Variants in EPM2A observed in about 807,000 individuals in gnomAD.
EPM2A encodes laforin.
A neutral mutation model predicts 26.5 loss-of-function variants in EPM2A; 21 were observed. The observed-to-expected ratio is 0.79, with a 90% CI of 0.56 to 1.14. The LOEUF (loss-of-function observed/expected upper bound fraction) is 1.14, where lower values mean the gene tolerates loss of function less well. Ranked by LOEUF, EPM2A falls within the 50% of genes most tolerant of loss-of-function variation. The pLI is 0.00. For synonymous variants in EPM2A, 217 were observed against 177.6 expected, an observed-to-expected ratio of 1.22 and a Z score of -1.76; for missense variants, 458 against 440.8, an observed-to-expected ratio of 1.04 and a Z score of -0.35.
chr6:145,491,063 T>C (rs1193560985), intron 4 of EPM2A: 2 of 781,274 alleles, frequency 2.6e-6, no homozygotes, highest in Non-Finnish European at 4.3e-6. Context: ...ATGGCAATGA[T>C]TCTGTGATAA....
rs1416081791 is a variant in EPM2A at position 145,513,355 on chromosome 6, A to G, written c.341-10780T>C. ...ATGCAAATTAAAACTACACCAAGAT[A>G]CCATGTTACATCAATCAGAATGGCT... On this transcript the variant is annotated intron_variant, in intron 2 of 3. Transcript: ENST00000450221. Among the ~76,000 whole-genome samples the G allele has an allele frequency of 2.6e-4, 40 of 152,216 alleles. 1 individual carries two copies. The highest frequency in any genetic ancestry group is 2.6e-3 in the Admixed American group (40 of 15,282).
chr6:145,673,366 A>C (rs1779789344), intron 2 of EPM2A, among the ~76,000 whole-genome samples: 1 of 152,198 alleles, frequency 6.6e-6, no homozygotes. Context: ...TCGACGCAGA[A>C]GATAGGTGAT....
chr6:145,432,123 G>C (rs971401263), intron 4 of EPM2A, among the ~76,000 whole-genome samples: 1 of 152,090 alleles, frequency 6.6e-6, no homozygotes, highest in Non-Finnish European at 1.5e-5. Flanking sequence ...ACCTACAGTT[G>C]CTTTCTCTTC....
intron 4 of EPM2A, among the ~76,000 whole-genome samples, chr6:145,414,692 G>T (rs1778685093): frequency 6.6e-6 from 1 of 151,940 alleles, no homozygotes; most frequent in South Asian, 2.1e-4. Flanking sequence ...TCTGTCTCTT[G>T]TCTACCCTCT....
At chr6:145,722,440 GC>G (rs1382880732) in intron 1 of EPM2A, among the ~76,000 whole-genome samples, 2 of 152,128 alleles carry the variant, frequency 1.3e-5, no homozygotes, top group African/African-American at 2.4e-5. Context: ...ATACCGCACA[GC>G]CAACACAAAC....
chr6:145,512,763 A>G (rs1465385842), intron 2 of EPM2A, among the ~76,000 whole-genome samples: 1 of 151,166 alleles, frequency 6.6e-6, no homozygotes, highest in Non-Finnish European at 1.5e-5. Context: ...AGAAAGCCAC[A>G]TACTTAAAAC....
chr6:145,413,994 G>C (rs1778675860), intron 4 of EPM2A, among the ~76,000 whole-genome samples: 1 of 152,124 alleles, frequency 6.6e-6, no homozygotes, highest in Non-Finnish European at 1.5e-5. Context: ...GAGTGGGAGA[G>C]AGGGATGGTA....
At chr6:145,494,057 G>T (rs567870555) in intron 4 of EPM2A, among the ~76,000 whole-genome samples, 190 of 152,296 alleles carry the variant, frequency 1.2e-3, no homozygotes, top group Non-Finnish European at 2.2e-3. Context: ...CAGTAGGGAT[G>T]GTTCCAGCTA....
At chr6:145,577,244 G>A (rs1267889185) in intron 2 of EPM2A, among the ~76,000 whole-genome samples, 1 of 151,714 alleles carries the variant, frequency 6.6e-6, no homozygotes, top group African/African-American at 2.4e-5. Flanking sequence ...ATGTCTGAGT[G>A]GATAAAGAAG....
chr6:145,471,258 C>T (rs1779469678), intron 4 of EPM2A, among the ~76,000 whole-genome samples: 1 of 152,062 alleles, frequency 6.6e-6, no homozygotes, highest in Non-Finnish European at 1.5e-5. Context: ...TTTCTTGAGT[C>T]AGTTCTGGTA....
intron 4 of EPM2A, among the ~76,000 whole-genome samples, chr6:145,462,306 G>A (rs1050027380): frequency 2.6e-5 from 4 of 152,162 alleles, no homozygotes; most frequent in African/African-American, 9.7e-5. Context: ...TTTGCATGTT[G>A]CAGGGGAGTG....
At chr6:145,550,079 G>A (rs1043243884) in intron 2 of EPM2A, among the ~76,000 whole-genome samples, 5 of 152,072 alleles carry the variant, frequency 3.3e-5, no homozygotes, top group Non-Finnish European at 2.9e-5. Context: ...CTCAAGAAAC[G>A]TCACCCAGAA....
intron 2 of EPM2A, among the ~76,000 whole-genome samples, chr6:145,616,722 G>C (rs914588447): frequency 2.0e-5 from 3 of 152,238 alleles, no homozygotes; most frequent in Non-Finnish European, 4.4e-5. Flanking sequence ...CTGGACATGA[G>C]ACATGGAGTC....
At chr6:145,724,442 T>C (rs897499120) in intron 1 of EPM2A, among the ~76,000 whole-genome samples, 2 of 152,144 alleles carry the variant, frequency 1.3e-5, no homozygotes, top group African/African-American at 4.8e-5. Flanking sequence ...TGTCAGTTCT[T>C]CTGAACTCGA....
At chr6:145,552,776 G>C (rs1276927004) in intron 2 of EPM2A, among the ~76,000 whole-genome samples, 1 of 152,080 alleles carries the variant, frequency 6.6e-6, no homozygotes, top group African/African-American at 2.4e-5. Flanking sequence ...CTACCCAGGT[G>C]TGGGCTTTGG....
At chr6:145,624,232 G>C (rs373128502), downstream of EPM2A, among the ~76,000 whole-genome samples, 15 of 152,154 alleles carry the variant, frequency 9.9e-5, 1 homozygote, top group African/African-American at 3.6e-4. Flanking sequence ...AGACAAATAA[G>C]TGGACACAGC....
chr6:145,485,749 T>C (rs1241848733), intron 4 of EPM2A, among the ~76,000 whole-genome samples: 1 of 152,162 alleles, frequency 6.6e-6, no homozygotes, highest in Non-Finnish European at 1.5e-5. Context: ...CTGGGTAATT[T>C]ATAGAGAAAA....
chr6:145,541,784 T>C (rs1780514362), intron 2 of EPM2A, among the ~76,000 whole-genome samples: 1 of 152,130 alleles, frequency 6.6e-6, no homozygotes, highest in Non-Finnish European at 1.5e-5. Flanking sequence ...TTTTGATATA[T>C]TATGAAAAAT....
chr6:145,662,540 G>A (rs951623224), intron 2 of EPM2A, among the ~76,000 whole-genome samples: 2 of 152,126 alleles, frequency 1.3e-5, no homozygotes, highest in Middle Eastern at 3.2e-3. Flanking sequence ...CTAAAACAAT[G>A]GGATTTTGTG....
Sources: allele counts gnomAD v4.1 joint callset (sites outside exome capture counted in the v4.1 genomes callset), GRCh38; gene constraint gnomAD v4.1.1; transcripts MANE v1.5; gene names NCBI Gene and HGNC (gene_info 2026-07-23, HGNC 2026-07-21).